The following ZNF391 variants were observed in gnomAD, a reference collection of about 807,000 sequenced individuals.
ZNF391 encodes the protein zinc finger protein 391.
For missense variants in ZNF391, 375 were observed against 425.5 expected, an observed-to-expected ratio of 0.88 and a Z score of 1.04; for synonymous variants, 126 against 142.1, an observed-to-expected ratio of 0.89 and a Z score of 0.80.
Position 27,401,351 on chromosome 6 carries a change from T to C in ZNF391, c.981T>C (p.His327=), listed in dbSNP as rs758438369. The C allele has an allele frequency of 1.9e-6, 3 of 1,613,950 alleles. No individual in the cohort carries two copies. In the South Asian group the frequency reaches 3.3e-5, roughly 18 times the overall value. ...SSSLIIHQRT[H]TGEKPYKCND... ...CCCTTATTATTCATCAGAGAACTCA[T>C]ACCGGGGAGAAGCCGTACAAATGTA... Residue 327 remains histidine, a synonymous_variant, in exon 3 of 3, where the codon CAT becomes CAC. Coordinates refer to ENST00000244576, the MANE Select transcript of ZNF391 (RefSeq NM_001076781.3).
intron 1 of ZNF391, among the ~76,000 whole-genome samples, chr6:27,394,737 A>G (rs904194228): frequency 2.0e-5 from 3 of 152,206 alleles, no homozygotes; most frequent in Non-Finnish European, 2.9e-5. Context: ...GCATTCAACA[A>G]CCTGGGAGAG....
intron 1 of ZNF391, among the ~76,000 whole-genome samples, chr6:27,380,281 A>AT (rs1761477232): frequency 1.3e-5 from 2 of 151,804 alleles, no homozygotes; most frequent in Middle Eastern, 3.4e-3. Context: ...GTTCCTTCTG[A>AT]TGTTCCAATG....
At chr6:27,381,851 G>T (rs992325089) in intron 1 of ZNF391, among the ~76,000 whole-genome samples, 2 of 152,082 alleles carry the variant, frequency 1.3e-5, no homozygotes, top group Non-Finnish European at 2.9e-5. Context: ...TGGCCAACAT[G>T]GTGAAACCTT....
chr6:27,395,100 G>T (rs1761794039), intron 1 of ZNF391: 1 of 152,158 alleles, frequency 6.6e-6, no homozygotes, highest in Non-Finnish European at 1.5e-5. Flanking sequence ...AATGATGTAA[G>T]ACTTTAGGGG....
At chr6:27,391,940 A>T (rs11970261) in intron 1 of ZNF391, among the ~76,000 whole-genome samples, 2,585 of 152,284 alleles carry the variant, frequency 0.017, 45 homozygotes, top group African/African-American at 0.045. Flanking sequence ...AGGATTTGAA[A>T]AAGAGTAGAT....
At position 27,401,431 on chromosome 6, in the gene ZNF391, T is replaced by A. The variant is rs1280688026; in HGVS notation, c.1061T>A (p.Leu354His). The change falls in exon 3 of 3, where the codon CTT becomes CAT. Residue 354 changes from leucine (L) to histidine (H), a missense_variant. Transcript: ENST00000244576. ...QSSTLIRHQHLHTKE is the reference protein window; with the variant it reads ...QSSTLIRHQHHHTKE The stretch of plus-strand genomic sequence containing the variant: ...TCAACTCTGATCAGACATCAGCACC[T>A]TCATACTAAAGAGTAATATCTGAGC... 7.5e-6 allele frequency: 12 copies of A among 1,606,602 alleles called. No homozygotes were observed. In the African/African-American group the frequency reaches 1.5e-4, roughly 20 times the overall value.
chr6:27,383,712 A>G (rs1260077058), intron 1 of ZNF391, among the ~76,000 whole-genome samples: 1 of 152,146 alleles, frequency 6.6e-6, no homozygotes, highest in Admixed American at 6.5e-5. Flanking sequence ...GTTACTTCCT[A>G]AAGGCCTCAT....
chr6:27,387,618 A>C (rs1430712479), upstream of ZNF391, among the ~76,000 whole-genome samples: 1 of 152,236 alleles, frequency 6.6e-6, no homozygotes, highest in Non-Finnish European at 1.5e-5. Flanking sequence ...TATGCTAATT[A>C]AAAATAATCC....
chr6:27,382,606 T>C (rs1761527010), intron 1 of ZNF391, among the ~76,000 whole-genome samples: 1 of 152,122 alleles, frequency 6.6e-6, no homozygotes, highest in Admixed American at 6.6e-5. Context: ...ATTAAGATGA[T>C]TAAGATGCTG....
chr6:27,394,508 A>G (rs1051124111), intron 1 of ZNF391, among the ~76,000 whole-genome samples: 2 of 152,222 alleles, frequency 1.3e-5, no homozygotes, highest in Non-Finnish European at 2.9e-5. Flanking sequence ...GATGTATGAG[A>G]AGGCCTGGGT....
rs1314015373 is a variant in ZNF391 at position 27,401,323 on chromosome 6, C to T, written c.953C>T (p.Ser318Leu). The T allele has an allele frequency of 1.2e-5, 19 of 1,614,012 alleles. No homozygotes were observed. The highest frequency in any genetic ancestry group is 1.7e-5 in the Admixed American group (1 of 59,998). ...TGTGGAAAGGGCTTCAGTCGAAGCT[C>T]ATCCCTTATTATTCATCAGAGAACT... Reference protein sequence around the residue: ...RVCGKGFSRSSSLIIHQRTHT... With the variant: ...RVCGKGFSRSLSLIIHQRTHT... The change falls in exon 3 of 3, where the codon TCA (serine) becomes TTA (leucine). Residue 318 changes from serine to leucine, a missense_variant. Transcript: ENST00000244576.
upstream of ZNF391, among the ~76,000 whole-genome samples, chr6:27,386,191 A>G (rs1761580068): frequency 6.6e-6 from 1 of 152,036 alleles, no homozygotes; most frequent in South Asian, 2.1e-4. Flanking sequence ...AAAAATACCT[A>G]GGAATAAATT....
In ZNF391 at chr6:27,403,065, G is replaced by A. The variant is rs935855155; in HGVS notation, c.*1618G>A. The A allele has an allele frequency of 6.6e-6, 1 of 151,800 alleles. No individual in the cohort carries two copies. Among genetic ancestry groups the A allele is most frequent in the Non-Finnish European group, 1.5e-5 (1 of 67,966 alleles). The allele number at this position is 151,800 out of a possible 1,614,324, so 9.4% of individuals were successfully genotyped here. A position where few individuals can be genotyped will look rare whatever the true frequency, so the allele number is the denominator to read the frequency against. ...TTTCTACTGCTGCTTCCAAGTTCTT[G>A]GTACCTTGTGCCTAGATTACTAAAT... On this transcript the variant is annotated 3_prime_UTR_variant, in exon 3 of 3. Coordinates refer to ENST00000244576, the MANE Select transcript of ZNF391 (RefSeq NM_001076781.3).
chr6:27,400,208 A>C (rs750411149), intron 2 of ZNF391, 85 bp from the exon 3 acceptor site: 12 of 577,932 alleles, frequency 2.1e-5, no homozygotes, highest in Non-Finnish European at 2.6e-5. Flanking sequence ...CATGAATTCA[A>C]ATTAGTTGTC....
chr6:27,401,681 C>G lies in ZNF391; in HGVS notation c.*234C>G. On this transcript the variant is annotated 3_prime_UTR_variant, in exon 3 of 3. Transcript: ENST00000244576. The stretch of plus-strand genomic sequence containing the variant: ...TTCTCCCTCTCCCTGTTCTTTCTTT[C>G]TCTTTTCTCAAATAAGTTCACAATA... 2.6e-6 allele frequency: 1 copy of G among 379,520 alleles called. No homozygotes were observed. The highest frequency in any genetic ancestry group is 4.7e-6 in the Non-Finnish European group (1 of 212,674). 23.5% of individuals were successfully genotyped at this position (379,520 alleles called of 1,614,324 possible).
At chr6:27,392,381 G>A (rs1209051568) in intron 1 of ZNF391, among the ~76,000 whole-genome samples, 4 of 152,158 alleles carry the variant, frequency 2.6e-5, no homozygotes, top group African/African-American at 9.7e-5. Context: ...TCAGCCTCCT[G>A]AGTATCTGGC....
At chr6:27,381,737 CAA>C (rs577191916) in intron 1 of ZNF391, among the ~76,000 whole-genome samples, 1 of 151,980 alleles carries the variant, frequency 6.6e-6, no homozygotes, top group Non-Finnish European at 1.5e-5. Flanking sequence ...AACTCTGTCT[CAA>C]AAAAAGTTTT....
At chr6:27,375,736 A>T (rs78699214) in intron 1 of ZNF391, among the ~76,000 whole-genome samples, 4,530 of 152,282 alleles carry the variant, frequency 0.03, 82 homozygotes, top group Middle Eastern at 0.044. Flanking sequence ...TACCAAAATC[A>T]TACTGTAGCA....
chr6:27,375,767 T>C (rs1308382331), intron 1 of ZNF391, among the ~76,000 whole-genome samples: 1 of 152,128 alleles, frequency 6.6e-6, no homozygotes, highest in Non-Finnish European at 1.5e-5. Context: ...GTCATAATTG[T>C]TAAAGGTGGA....
Sources: allele counts gnomAD v4.1 joint callset (sites outside exome capture counted in the v4.1 genomes callset), GRCh38; gene constraint gnomAD v4.1.1; transcripts MANE v1.5; gene names NCBI Gene and HGNC (gene_info 2026-07-23, HGNC 2026-07-21).